Variants in TBC1D19 observed in about 807,000 individuals in gnomAD.
The protein encoded by TBC1D19 is TBC1 domain family member 19.
Under a neutral mutation model 89.0 loss-of-function variants are expected in TBC1D19, and 60 were observed. The observed-to-expected ratio is 0.67, with a 90% CI of 0.55 to 0.84. The LOEUF (loss-of-function observed/expected upper bound fraction) is 0.84, where lower values mean the gene tolerates loss of function less well. Ranked by LOEUF, TBC1D19 falls within the 40% of genes least tolerant of loss-of-function variation. TBC1D19 has a pLI of 0.00. For missense variants in TBC1D19, 500 were observed against 610.8 expected, an observed-to-expected ratio of 0.82 and a Z score of 1.91; for synonymous variants, 189 against 199.7, an observed-to-expected ratio of 0.95 and a Z score of 0.45.
chr4:26,590,598 A>C (rs1303888356), intron 1 of TBC1D19, among the ~76,000 whole-genome samples: 1 of 152,078 alleles, frequency 6.6e-6, no homozygotes, highest in East Asian at 1.9e-4. Flanking sequence ...AATATTTTTA[A>C]ATTAATAGAC....
At chr4:26,834,553 G>A in the TBC1D19 span, among the ~76,000 whole-genome samples, 1 of 152,002 alleles carries the variant, frequency 6.6e-6, no homozygotes, top group Non-Finnish European at 1.5e-5. Context: ...ATGGGGGGCG[G>A]GGGTGGTGCA....
chr4:26,730,147 G>A (rs1159936283), intron 15 of TBC1D19, among the ~76,000 whole-genome samples: 1 of 152,038 alleles, frequency 6.6e-6, no homozygotes, highest in African/African-American at 2.4e-5. Context: ...GAAATAAAAG[G>A]TTAAAAAATG....
At chr4:26,732,818 G>A (rs570510464) in intron 15 of TBC1D19, among the ~76,000 whole-genome samples, 1 of 152,230 alleles carries the variant, frequency 6.6e-6, no homozygotes, top group African/African-American at 2.4e-5. Flanking sequence ...TGAAGATGTT[G>A]GGTGAAAAAG....
the TBC1D19 span, among the ~76,000 whole-genome samples, chr4:26,857,518 T>G: frequency 6.6e-6 from 1 of 152,198 alleles, no homozygotes; most frequent in African/African-American, 2.4e-5. Context: ...CCCTCCCCAC[T>G]GACAGCCCGC....
chr4:26,671,006 A>G (rs1712253608), intron 9 of TBC1D19, among the ~76,000 whole-genome samples: 1 of 151,202 alleles, frequency 6.6e-6, no homozygotes, highest in Admixed American at 6.6e-5. Flanking sequence ...TGCTGTGAAT[A>G]TTCTTGTACA....
intron 13 of TBC1D19, among the ~76,000 whole-genome samples, chr4:26,698,961 T>A (rs1170663814): frequency 6.6e-6 from 1 of 152,196 alleles, no homozygotes; most frequent in East Asian, 1.9e-4. Context: ...GGGCAAGGAC[T>A]TCATGTCTAA....
chr4:26,712,487 A>C (rs1345901200), intron 13 of TBC1D19, among the ~76,000 whole-genome samples: 1 of 152,064 alleles, frequency 6.6e-6, no homozygotes, highest in Non-Finnish European at 1.5e-5. Flanking sequence ...TTCATGTATA[A>C]GAATCCTTGG....
At chr4:26,659,813 A>C in intron 8 of TBC1D19, 106 bp downstream of exon 8, 1 of 588,514 alleles carries the variant, frequency 1.7e-6, no homozygotes, top group East Asian at 2.9e-5. Context: ...CTCATTAAAC[A>C]AATTAATAAA....
chr4:26,853,891 G>T, the TBC1D19 span, among the ~76,000 whole-genome samples: 3 of 152,122 alleles, frequency 2.0e-5, no homozygotes, highest in African/African-American at 7.2e-5. Flanking sequence ...TAATGCTCTG[G>T]GAATGTGCTC....
intron 11 of TBC1D19, among the ~76,000 whole-genome samples, chr4:26,676,004 G>A (rs1344911622): frequency 6.6e-6 from 1 of 152,096 alleles, no homozygotes; most frequent in Non-Finnish European, 1.5e-5. Context: ...TCCATATTTA[G>A]TAAACATTGT....
At chr4:26,734,954 A>G (rs1425465848) in intron 15 of TBC1D19, among the ~76,000 whole-genome samples, 1 of 59,154 alleles carries the variant, frequency 1.7e-5, no homozygotes, top group African/African-American at 4.5e-5. Flanking sequence ...GTATACACAT[A>G]TGTATATGTA....
intron 4 of TBC1D19, among the ~76,000 whole-genome samples, chr4:26,631,516 C>T (rs111232748): frequency 2.0e-3 from 307 of 152,196 alleles, no homozygotes; most frequent in African/African-American, 7.0e-3. Flanking sequence ...TAATATACCT[C>T]ATTTTCCCCT....
the TBC1D19 span, among the ~76,000 whole-genome samples, chr4:26,799,005 C>T: frequency 3.3e-5 from 5 of 152,074 alleles, no homozygotes; most frequent in South Asian, 8.3e-4. Flanking sequence ...AACAAACATG[C>T]ACATATAACC....
intron 11 of TBC1D19, among the ~76,000 whole-genome samples, chr4:26,674,818 T>G (rs1490048208): frequency 6.6e-6 from 1 of 152,006 alleles, no homozygotes; most frequent in African/African-American, 2.4e-5. Flanking sequence ...CATATTACAT[T>G]TAATCATGTT....
intron 4 of TBC1D19, among the ~76,000 whole-genome samples, chr4:26,628,456 G>A (rs889752968): frequency 3.3e-4 from 50 of 152,100 alleles, no homozygotes; most frequent in Non-Finnish European, 6.6e-4. Context: ...CACAAGACAG[G>A]GATGCCCTCT....
the TBC1D19 span, among the ~76,000 whole-genome samples, chr4:26,795,977 C>T: frequency 6.6e-6 from 1 of 152,114 alleles, no homozygotes; most frequent in East Asian, 1.9e-4. Context: ...AATCTTTTCT[C>T]CATTGTTTTT....
chr4:26,835,866 A>C, the TBC1D19 span, among the ~76,000 whole-genome samples: 1 of 151,382 alleles, frequency 6.6e-6, no homozygotes, highest in Non-Finnish European at 1.5e-5. Context: ...TGTGATGCCT[A>C]TTTTCTTCCC....
intron 13 of TBC1D19, among the ~76,000 whole-genome samples, chr4:26,690,165 G>A (rs1234368029): frequency 1.3e-5 from 2 of 152,162 alleles, no homozygotes; most frequent in African/African-American, 2.4e-5. Context: ...TCCAGAGCAA[G>A]GCCCTAAATC....
chr4:26,620,487 A>C (rs1479879027), intron 3 of TBC1D19, 126 bp from the exon 4 acceptor site: 2 of 747,438 alleles, frequency 2.7e-6, no homozygotes, highest in Non-Finnish European at 4.3e-6. Flanking sequence ...CTTAATAAAA[A>C]CAGTACATTT....
Sources: allele counts gnomAD v4.1 joint callset (sites outside exome capture counted in the v4.1 genomes callset), GRCh38; gene constraint gnomAD v4.1.1; transcripts MANE v1.5; gene names NCBI Gene and HGNC (gene_info 2026-07-23, HGNC 2026-07-21).